The following PRR11 variants were observed in gnomAD, a reference collection of about 807,000 sequenced individuals.
PRR11 encodes the protein proline rich 11, also known as proline-rich protein 11.
A neutral mutation model predicts 45.6 loss-of-function variants in PRR11; 30 were observed. The ratio of observed to expected loss-of-function variants is 0.66; its 90% CI spans 0.49 to 0.89. The LOEUF is 0.89. Among genes scored for constraint, PRR11 ranks in the 40% least tolerant of loss-of-function variants. The pLI, the probability that PRR11 is intolerant of heterozygous loss-of-function variation, is 0.00. For synonymous variants in PRR11, 128 were observed against 153.5 expected (o/e 0.83, Z 1.23); for missense variants, 373 against 424.8 (o/e 0.88, Z 1.07).
Position 59,206,315 on chromosome 17 carries a change from G to C in PRR11, c.*4684G>C, listed in dbSNP as rs937056171. ...CGGGAGGTTGAGGCTGCAGTGAGCT[G>C]TGTTTATACCACTGCACTCCAGCCT... On this transcript the variant is annotated 3_prime_UTR_variant, in exon 10 of 10. Coordinates refer to ENST00000262293, the MANE Select transcript of PRR11 (RefSeq NM_018304.4). 3.9e-5 allele frequency among the ~76,000 whole-genome samples: 6 copies of C among 151,978 alleles called. No homozygotes were observed. Among genetic ancestry groups the C allele is most frequent in the African/African-American group, 1.5e-4 (6 of 41,372 alleles).
chr17:59,186,260 C>T (rs867434814), intron 4 of PRR11, among the ~76,000 whole-genome samples: 1 of 150,932 alleles, frequency 6.6e-6, no homozygotes, highest in South Asian at 2.1e-4. Context: ...CTATTGCACC[C>T]ACCTAGGATG....
chr17:59,167,223 G>T (rs1484547697), intron 1 of PRR11, among the ~76,000 whole-genome samples: 2 of 152,148 alleles, frequency 1.3e-5, no homozygotes. Context: ...ACACAGTGAT[G>T]TTTTGATACA....
intron 2 of PRR11, among the ~76,000 whole-genome samples, chr17:59,177,869 A>G (rs1323116531): frequency 2.0e-5 from 3 of 152,120 alleles, no homozygotes; most frequent in African/African-American, 7.2e-5. Flanking sequence ...TTCGAGCATG[A>G]TGGCATGTGC....
Position 59,201,672 on chromosome 17 carries a change from T to C in PRR11, c.*41T>C. On this transcript the variant is annotated 3_prime_UTR_variant, in exon 10 of 10. Transcript: ENST00000262293. ...ACTCCATGAGATGATCCATAACAAA[T>C]ACAGATAAAAACACCCAGCTGGGTG... 6.3e-7 allele frequency: 1 copy of C among 1,598,876 alleles called. No individual in the cohort carries two copies. Among genetic ancestry groups the C allele is most frequent in the Non-Finnish European group, 8.6e-7 (1 of 1,167,536 alleles).
At chr17:59,186,379 T>G in intron 4 of PRR11, among the ~76,000 whole-genome samples, 1 of 130,290 alleles carries the variant, frequency 7.7e-6, no homozygotes. Context: ...CAGCTGTTTG[T>G]AATTTTTTTT....
intron 4 of PRR11, among the ~76,000 whole-genome samples, chr17:59,190,942 A>G (rs1300594840): frequency 1.3e-5 from 2 of 152,240 alleles, no homozygotes; most frequent in African/African-American, 4.8e-5. Flanking sequence ...GGTGAGGGCT[A>G]GTCCCTGGGC....
At chr17:59,183,686 C>T (rs2046799851) in intron 2 of PRR11, among the ~76,000 whole-genome samples, 1 of 152,174 alleles carries the variant, frequency 6.6e-6, no homozygotes, top group Admixed American at 6.5e-5. Context: ...TCCAGTTCGG[C>T]TAAGAAACTC....
chr17:59,187,228 T>TA (rs1291479600), intron 4 of PRR11, among the ~76,000 whole-genome samples: 6 of 151,438 alleles, frequency 4.0e-5, no homozygotes, highest in Non-Finnish European at 2.9e-5. Flanking sequence ...AAAATAAAAA[T>TA]AAAATAAAAT....
chr17:59,176,674 G>GT (rs146911018), intron 2 of PRR11, among the ~76,000 whole-genome samples: 3,249 of 107,438 alleles, frequency 0.03, 186 homozygotes, highest in African/African-American at 0.11. Flanking sequence ...TTGGAATTTG[G>GT]TTTTTTTGGC....
chr17:59,197,445 G>T, intron 7 of PRR11, 99 bp from the exon 8 acceptor site: 1 of 1,127,924 alleles, frequency 8.9e-7, no homozygotes, highest in Admixed American at 2.0e-5. Context: ...TAGAGACAAG[G>T]TTTCACCGTG....
At chr17:59,168,667 G>A (rs2046691568) in intron 1 of PRR11, among the ~76,000 whole-genome samples, 1 of 152,030 alleles carries the variant, frequency 6.6e-6, no homozygotes, top group African/African-American at 2.4e-5. Context: ...TGCAGCCTGG[G>A]TGACGGAGCT....
intron 1 of PRR11, among the ~76,000 whole-genome samples, chr17:59,158,701 G>C (rs1338323686): frequency 1.3e-5 from 2 of 152,122 alleles, no homozygotes; most frequent in Non-Finnish European, 1.5e-5. Flanking sequence ...AGTAAAAACA[G>C]TAAAGGAAAA....
intron 9 of PRR11, among the ~76,000 whole-genome samples, chr17:59,200,453 CT>C (rs771750877): frequency 1.6e-4 from 24 of 148,010 alleles, no homozygotes; most frequent in South Asian, 6.5e-4. Context: ...TAAATTAGGA[CT>C]TTTTTTTTTA....
intron 9 of PRR11, among the ~76,000 whole-genome samples, chr17:59,201,275 G>A (rs959226517): frequency 3.9e-5 from 6 of 152,124 alleles, no homozygotes; most frequent in Admixed American, 2.6e-4. Flanking sequence ...CATCCTTAAT[G>A]TGTGGCTTTT....
intron 2 of PRR11, among the ~76,000 whole-genome samples, chr17:59,174,186 C>T (rs1479762543): frequency 6.6e-6 from 1 of 152,100 alleles, no homozygotes; most frequent in Non-Finnish European, 1.5e-5. Flanking sequence ...TGGGTCTGCC[C>T]AGGGAGTAGG....
At chr17:59,192,907 T>A (rs749056139) in intron 4 of PRR11, among the ~76,000 whole-genome samples, 3 of 152,186 alleles carry the variant, frequency 2.0e-5, no homozygotes, top group Non-Finnish European at 4.4e-5. Flanking sequence ...CTGTATTAAG[T>A]ATTTTTTTCC....
In PRR11 at chr17:59,204,872, C is replaced by T. The variant is rs891582495; in HGVS notation, c.*3241C>T. 7.3e-5 allele frequency among the ~76,000 whole-genome samples: 11 copies of T among 151,604 alleles called. No homozygotes were observed. Among genetic ancestry groups the T allele is most frequent in the Non-Finnish European group, 8.8e-5 (6 of 67,874 alleles). On this transcript the variant is annotated 3_prime_UTR_variant, in exon 10 of 10. Coordinates refer to ENST00000262293, the MANE Select transcript of PRR11 (RefSeq NM_018304.4). ...TGCAAGACCCCAACTCTACAAAAAA[C>T]GAAAAATTAGCCGGGAGCGGTGATG... is the stretch of plus-strand genomic sequence containing the variant.
intron 1 of PRR11, among the ~76,000 whole-genome samples, chr17:59,169,445 G>A (rs553966476): frequency 6.6e-6 from 1 of 151,790 alleles, no homozygotes; most frequent in African/African-American, 2.4e-5. Context: ...AGCCATTTTC[G>A]CTACTATAAA....
At chr17:59,179,500 T>C in intron 2 of PRR11, 3 of 1,228,412 alleles carry the variant, frequency 2.4e-6, no homozygotes, top group Admixed American at 4.8e-5. Flanking sequence ...CTCCTAAGTG[T>C]CCCTCATGAG....
Sources: gnomAD v4.1 joint callset for allele counts (sites outside exome capture counted in the v4.1 genomes callset) on GRCh38, gnomAD v4.1.1 for gene constraint, MANE v1.5 for transcripts, NCBI Gene and HGNC (gene_info 2026-07-23, HGNC 2026-07-21) for gene names.